Variants in CREM observed in about 807,000 individuals in gnomAD.
CREM encodes the protein cAMP-responsive element modulator.
In CREM, 13 loss-of-function variants were observed where a neutral mutation model predicts 37.3. The observed-to-expected ratio is 0.35, with a 90% CI of 0.23 to 0.55. CREM has a LOEUF of 0.55. CREM is among the 20% of genes least tolerant of loss of function. CREM has a pLI of 0.88. For missense variants in CREM, 296 were observed against 362.3 expected (o/e 0.82, Z 1.49); for synonymous variants, 124 against 120.2 (o/e 1.03, Z -0.21).
intron 3 of CREM, among the ~76,000 whole-genome samples, chr10:35,176,373 G>T (rs937764849): frequency 3.3e-5 from 5 of 151,382 alleles, no homozygotes; most frequent in African/African-American, 7.3e-5. Flanking sequence ...GTAATATAAA[G>T]ATTATAGTGC....
chr10:35,138,684 C>T (rs985260603), intron 2 of CREM, among the ~76,000 whole-genome samples: 3 of 151,502 alleles, frequency 2.0e-5, no homozygotes, highest in Non-Finnish European at 4.4e-5. Context: ...CCACCATACC[C>T]GGCTAATTTT....
At chr10:35,148,257 A>C in intron 2 of CREM, 111 bp from the exon 3 acceptor site, 1 of 1,101,650 alleles carries the variant, frequency 9.1e-7, no homozygotes, top group Non-Finnish European at 1.3e-6. Flanking sequence ...AGAAAGTTTC[A>C]GATTTTGGAG....
At chr10:35,169,579 C>T (rs555741196) in intron 3 of CREM, among the ~76,000 whole-genome samples, 1 of 152,180 alleles carries the variant, frequency 6.6e-6, no homozygotes, top group Admixed American at 6.5e-5. Context: ...AATTGAATAC[C>T]CTTTATTTCT....
rs1329101451 is a variant in CREM at position 35,188,250 on chromosome 10, G to T, written c.460G>T (p.Gly154Cys). Residue 154 changes from glycine to cysteine, a missense_variant, in exon 6 of 8, where the codon GGT becomes TGT. Gly to Cys is a radical substitution (Grantham distance 159, BLOSUM62 -3). Coordinates refer to ENST00000685392, the MANE Select transcript of CREM (RefSeq NM_183011.2). ...TIQISNPGSD[G>C]VQGLQALTMT... ...CCAGATTTCTAACCCAGGATCTGAT[G>T]GTGTTCAGGGACTGCAGGCATTAAC... The T allele has an allele frequency of 1.4e-5, 22 of 1,614,020 alleles. No individual in the cohort carries two copies. The highest frequency in any genetic ancestry group is 1.8e-5 in the Non-Finnish European group (21 of 1,180,032).
intron 6 of CREM, 106 bp from the exon 7 acceptor site, chr10:35,206,789 C>A: frequency 1.0e-6 from 1 of 1,002,810 alleles, no homozygotes; most frequent in Non-Finnish European, 1.6e-6. Flanking sequence ...ATTACAAGAT[C>A]ACCTCTTATG....
intron 1 of CREM, among the ~76,000 whole-genome samples, chr10:35,129,348 T>C (rs921714746): frequency 2.7e-4 from 41 of 152,248 alleles, no homozygotes; most frequent in African/African-American, 9.2e-4. Flanking sequence ...GAATCCATAG[T>C]TAATAGGCTG....
chr10:35,188,104 A>G, intron 5 of CREM, 96 bp from the exon 6 acceptor site: 1 of 1,177,870 alleles, frequency 8.5e-7, no homozygotes, highest in Non-Finnish European at 1.2e-6. Flanking sequence ...GAAAGAAGCA[A>G]TGGTAATAAA....
intron 6 of CREM, among the ~76,000 whole-genome samples, chr10:35,191,816 T>C (rs2133864438): frequency 6.6e-6 from 1 of 152,236 alleles, no homozygotes; most frequent in African/African-American, 2.4e-5. Flanking sequence ...AAGGACTCCC[T>C]CCCACGCTGG....
chr10:35,181,939 A>T (rs1017940923), intron 5 of CREM, among the ~76,000 whole-genome samples: 4 of 152,184 alleles, frequency 2.6e-5, no homozygotes, highest in African/African-American at 7.2e-5. Flanking sequence ...ACTATTTCTT[A>T]CTTTGGTTTC....
At chr10:35,181,913 A>G (rs75331335) in intron 5 of CREM, among the ~76,000 whole-genome samples, 11 of 152,292 alleles carry the variant, frequency 7.2e-5, no homozygotes, top group Middle Eastern at 3.4e-3. Context: ...TCTATTTGCC[A>G]CATAAGAGGT....
intron 3 of CREM, among the ~76,000 whole-genome samples, chr10:35,157,604 C>T (rs554252487): frequency 6.7e-6 from 1 of 150,074 alleles, no homozygotes; most frequent in South Asian, 2.1e-4. Context: ...CCCCTGCACT[C>T]CAGCCCAGGT....
At chr10:35,200,320 C>T (rs1290647373) in intron 6 of CREM, among the ~76,000 whole-genome samples, 1 of 152,222 alleles carries the variant, frequency 6.6e-6, no homozygotes, top group Admixed American at 6.5e-5. Context: ...TAGATTTTCA[C>T]ATACTGAACT....
At chr10:35,150,035 A>G (rs1162670850) in intron 3 of CREM, among the ~76,000 whole-genome samples, 1 of 152,202 alleles carries the variant, frequency 6.6e-6, no homozygotes, top group South Asian at 2.1e-4. Flanking sequence ...AGATTTAATC[A>G]TTGTTAACAT....
At chr10:35,170,103 C>CA (rs1235543028) in intron 3 of CREM, among the ~76,000 whole-genome samples, 1 of 151,950 alleles carries the variant, frequency 6.6e-6, no homozygotes, top group East Asian at 1.9e-4. Context: ...GCTGGGACTA[C>CA]AGGCACCCGC....
chr10:35,170,368 T>A (rs1275060614), intron 3 of CREM, among the ~76,000 whole-genome samples: 2 of 152,230 alleles, frequency 1.3e-5, no homozygotes, highest in Non-Finnish European at 2.9e-5. Context: ...TCTCTTTTTT[T>A]GTTCTGTCTC....
chr10:35,186,713 C>A (rs2094567018), intron 5 of CREM, among the ~76,000 whole-genome samples: 1 of 132,842 alleles, frequency 7.5e-6, no homozygotes, highest in South Asian at 2.2e-4. Context: ...ATATATACAA[C>A]ATATATAACT....
intron 6 of CREM, among the ~76,000 whole-genome samples, chr10:35,206,242 C>G (rs1349131336): frequency 1.4e-5 from 2 of 146,080 alleles, no homozygotes; most frequent in East Asian, 2.0e-4. Context: ...AGCGAGACTC[C>G]GTCTCAAAAA....
At chr10:35,151,221 T>A (rs528934204) in intron 3 of CREM, among the ~76,000 whole-genome samples, 1 of 152,386 alleles carries the variant, frequency 6.6e-6, no homozygotes, top group Admixed American at 6.5e-5. Context: ...ACGTTTGTAA[T>A]GCTTCTTTAA....
intron 2 of CREM, among the ~76,000 whole-genome samples, chr10:35,147,567 T>G (rs2092268781): frequency 6.6e-6 from 1 of 152,192 alleles, no homozygotes; most frequent in African/African-American, 2.4e-5. Context: ...CAGAAACGAC[T>G]TAGTGATAAC....
Sources: allele counts gnomAD v4.1 joint callset (sites outside exome capture counted in the v4.1 genomes callset), GRCh38; gene constraint gnomAD v4.1.1; transcripts MANE v1.5; gene names NCBI Gene and HGNC (gene_info 2026-07-23, HGNC 2026-07-21).